Variants in SUGCT observed in about 807,000 individuals in gnomAD.
SUGCT encodes the protein succinyl-CoA:glutarate CoA-transferase.
In SUGCT, 41 loss-of-function variants were observed where a neutral mutation model predicts 55.0. The observed-to-expected ratio is 0.74, with a 90% CI of 0.58 to 0.97. The LOEUF is 0.97. SUGCT is among the 50% of genes least tolerant of loss of function. SUGCT has a pLI of 0.00. For missense variants in SUGCT, 568 were observed against 547.8 expected (o/e 1.04, Z -0.37); for synonymous variants, 187 against 200.4 (o/e 0.93, Z 0.56).
chr7:40,364,879 A>C (rs1290458194), intron 9 of SUGCT, among the ~76,000 whole-genome samples: 2 of 152,194 alleles, frequency 1.3e-5, no homozygotes, highest in Non-Finnish European at 2.9e-5. Flanking sequence ...TCCAATCAAT[A>C]GAAAAAGAGG....
At chr7:40,749,175 A>C (rs1284095310) in intron 12 of SUGCT, among the ~76,000 whole-genome samples, 1 of 152,170 alleles carries the variant, frequency 6.6e-6, no homozygotes, top group African/African-American at 2.4e-5. Context: ...GAGCAAATAA[A>C]AATTTTAAGA....
At chr7:40,623,357 A>G (rs571541554) in intron 12 of SUGCT, among the ~76,000 whole-genome samples, 62 of 152,304 alleles carry the variant, frequency 4.1e-4, no homozygotes, top group South Asian at 1.0e-3. Flanking sequence ...ATACTAAATT[A>G]CCCAGACTGC....
intron 12 of SUGCT, among the ~76,000 whole-genome samples, chr7:40,503,216 G>A (rs912700489): frequency 6.6e-6 from 1 of 152,142 alleles, no homozygotes; most frequent in Non-Finnish European, 1.5e-5. Context: ...ATGTAGAGAC[G>A]TAGTCATTCA....
chr7:40,429,187 A>G (rs1418488027), intron 9 of SUGCT, among the ~76,000 whole-genome samples: 2 of 152,124 alleles, frequency 1.3e-5, no homozygotes, highest in Non-Finnish European at 2.9e-5. Flanking sequence ...TCTCATATAC[A>G]GTACAATTTT....
intron 9 of SUGCT, among the ~76,000 whole-genome samples, chr7:40,375,577 T>C (rs1784500670): frequency 6.6e-6 from 1 of 152,186 alleles, no homozygotes; most frequent in African/African-American, 2.4e-5. Flanking sequence ...TTCTTATCCT[T>C]TAGACTCTTT....
At chr7:40,707,232 C>CTT (rs75832510) in intron 12 of SUGCT, among the ~76,000 whole-genome samples, 7 of 133,004 alleles carry the variant, frequency 5.3e-5, no homozygotes, top group East Asian at 2.2e-4. Context: ...GCAAAATCTA[C>CTT]TTTTTTTTTT....
At chr7:40,229,595 G>A (rs2150853924) in intron 6 of SUGCT, among the ~76,000 whole-genome samples, 3 of 151,112 alleles carry the variant, frequency 2.0e-5, no homozygotes, top group Admixed American at 2.0e-4. Flanking sequence ...AGTGGATCAC[G>A]AGGTCAGGAG....
chr7:40,720,909 G>A (rs752361290), intron 12 of SUGCT, among the ~76,000 whole-genome samples: 2 of 152,114 alleles, frequency 1.3e-5, no homozygotes, highest in African/African-American at 4.8e-5. Context: ...ATATTTCTAG[G>A]TTCTACCTGG....
chr7:40,900,303 T>C, the SUGCT span, among the ~76,000 whole-genome samples: 2 of 152,234 alleles, frequency 1.3e-5, no homozygotes, highest in Non-Finnish European at 2.9e-5. Context: ...ACCAAGATTT[T>C]GAATTGTGAA....
chr7:40,516,902 G>A (rs1793265631), intron 12 of SUGCT, among the ~76,000 whole-genome samples: 1 of 151,892 alleles, frequency 6.6e-6, no homozygotes, highest in Non-Finnish European at 1.5e-5. Context: ...CATTGAATAT[G>A]CAATTTTCGT....
intron 12 of SUGCT, among the ~76,000 whole-genome samples, chr7:40,500,166 G>A (rs1431943410): frequency 6.6e-6 from 1 of 152,154 alleles, no homozygotes; most frequent in African/African-American, 2.4e-5. Context: ...TAAAAACTAT[G>A]AGTGATTGAA....
At chr7:40,401,273 T>C (rs1786050336) in intron 9 of SUGCT, among the ~76,000 whole-genome samples, 1 of 152,196 alleles carries the variant, frequency 6.6e-6, no homozygotes, top group Non-Finnish European at 1.5e-5. Flanking sequence ...AATAATTATA[T>C]GACAATATAA....
At chr7:40,965,362 G>A in the SUGCT span, 1 of 152,120 alleles carries the variant, frequency 6.6e-6, no homozygotes, top group Non-Finnish European at 1.5e-5. Context: ...CTGTGTATTT[G>A]CATCCTTGTA....
chr7:40,633,502 C>T (rs1345334089), intron 12 of SUGCT, among the ~76,000 whole-genome samples: 1 of 152,192 alleles, frequency 6.6e-6, no homozygotes, highest in Non-Finnish European at 1.5e-5. Context: ...TATGAAGTCT[C>T]TTGTCAGTCA....
At chr7:40,547,043 T>C (rs921838645) in intron 12 of SUGCT, 7 of 152,140 alleles carry the variant, frequency 4.6e-5, no homozygotes, top group African/African-American at 1.7e-4. Flanking sequence ...TGGAGAACCC[T>C]GACAACTACA....
At chr7:40,156,015 C>T (rs949017777) in intron 1 of SUGCT, among the ~76,000 whole-genome samples, 6 of 152,170 alleles carry the variant, frequency 3.9e-5, no homozygotes, top group South Asian at 4.1e-4. Context: ...CGCCACCATG[C>T]CCGGCTAATT....
At chr7:40,577,384 A>G (rs1307498285) in intron 12 of SUGCT, among the ~76,000 whole-genome samples, 1 of 150,390 alleles carries the variant, frequency 6.6e-6, no homozygotes, top group Non-Finnish European at 1.5e-5. Context: ...ATTATTTGTC[A>G]TTTCTCTTGC....
intron 9 of SUGCT, among the ~76,000 whole-genome samples, chr7:40,438,707 G>A (rs1011928598): frequency 6.6e-6 from 1 of 151,974 alleles, no homozygotes; most frequent in African/African-American, 2.4e-5. Context: ...AGTCCTGACT[G>A]TTTACAGCCC....
chr7:40,880,100 C>A, the SUGCT span, among the ~76,000 whole-genome samples: 1 of 152,162 alleles, frequency 6.6e-6, no homozygotes, highest in African/African-American at 2.4e-5. Flanking sequence ...ACTGCACATT[C>A]TTTTGATCGT....
Sources: gnomAD v4.1 joint callset for allele counts (sites outside exome capture counted in the v4.1 genomes callset) on GRCh38, gnomAD v4.1.1 for gene constraint, MANE v1.5 for transcripts, NCBI Gene and HGNC (gene_info 2026-07-23, HGNC 2026-07-21) for gene names.